Variants in CYLD observed in about 807,000 individuals in gnomAD.
The protein encoded by CYLD is CYLD lysine 63 deubiquitinase, also known as ubiquitin carboxyl-terminal hydrolase CYLD.
Under a neutral mutation model 104.5 loss-of-function variants are expected in CYLD, and 26 were observed. The ratio of observed to expected loss-of-function variants is 0.25; its 90% confidence interval spans 0.18 to 0.35. The LOEUF is 0.35. Among genes scored for constraint, CYLD ranks in the 10% least tolerant of loss-of-function variants. The pLI is 1.00. For synonymous variants in CYLD, 385 were observed against 399.9 expected (o/e 0.96, Z 0.45); for missense variants, 703 against 1,136.1 (o/e 0.62, Z 5.48).
Position 50,777,845 on chromosome 16 carries a change from A to G in CYLD, c.1042A>G (p.Asn348Asp). 6.2e-7 allele frequency: 1 copy of G among 1,600,182 alleles called. No homozygotes were observed. The highest frequency in any genetic ancestry group is 8.6e-7 in the Non-Finnish European group (1 of 1,167,950). ...TATAGGATCTACCTCAGACCCTGGA[A>G]ATAGAAACAGATCTGAATTATTTTA... ...KATGSTSDPG[N>D]RNRSELFYTL... Residue 348 changes from asparagine (N) to aspartate (D), a missense_variant, in exon 8 of 19, where the codon AAT becomes GAT. By Grantham distance (23) the Asn-to-Asp change is conservative. Coordinates refer to ENST00000427738, the MANE Select transcript of CYLD (RefSeq NM_001378743.1).
intron 5 of CYLD, among the ~76,000 whole-genome samples, chr16:50,764,100 C>T (rs746325786): frequency 4.8e-4 from 73 of 152,126 alleles, no homozygotes; most frequent in Non-Finnish European, 9.0e-4. Flanking sequence ...GTCCAGTTTG[C>T]TAGTATTTGC....
intron 5 of CYLD, among the ~76,000 whole-genome samples, chr16:50,757,508 A>G (rs1309183918): frequency 2.0e-5 from 3 of 151,800 alleles, no homozygotes; most frequent in Admixed American, 6.6e-5. Flanking sequence ...TGTGCTTGAT[A>G]TTTTACTTGG....
Position 50,777,762 on chromosome 16 carries a change from TA to T in CYLD, c.1022-54del, listed in dbSNP as rs572862017. On this transcript the variant is annotated intron_variant, in intron 7 of 18. Coordinates refer to ENST00000427738, the MANE Select transcript of CYLD (RefSeq NM_001378743.1). ...TCATATTCATAATAATTTCTCTTAC[TA>T]AAAAAAAACTTTGATGCTATATTGA... 3.7e-4 allele frequency: 310 copies of T among 834,106 alleles called. 3 individuals carry two copies. The highest frequency in any genetic ancestry group is 1.2e-3 in the African/African-American group (72 of 59,022). The allele number at this position is 834,106 out of a possible 1,614,324, so 51.7% of individuals were successfully genotyped here.
At chr16:50,795,658 C>A in intron 18 of CYLD, 1 of 701,750 alleles carries the variant, frequency 1.4e-6, no homozygotes, top group East Asian at 2.7e-5. Context: ...ATCAAGAGTT[C>A]TCCACCTTTT....
chr16:50,796,344 A>G lies in CYLD; in HGVS notation c.2707A>G (p.Ile903Val), dbSNP rs773819238. The stretch of plus-strand genomic sequence containing the variant: ...CATAGGTGGTCAGAATGGCTTCAAC[A>G]TTCCTCAAGTCACCCCATGCCCAGA... The part of the protein sequence containing the change: ...DRDGGQNGFN[I>V]PQVTPCPEVG... Residue 903 changes from isoleucine (I) to valine (V), a missense_variant, in exon 19 of 19, where the codon ATT (isoleucine) becomes GTT (valine). This residue lies in a region of CYLD where 130 missense variants were observed against 220.2 expected (regional missense o/e 0.59). Transcript: ENST00000427738. The G allele has an allele frequency of 1.2e-6, 2 of 1,614,078 alleles. No individual in the cohort carries two copies. Among genetic ancestry groups the G allele is most frequent in the African/African-American group, 2.7e-5 (2 of 74,932 alleles).
intron 15 of CYLD, 44 bp downstream of exon 15, chr16:50,791,734 G>A: frequency 6.2e-7 from 1 of 1,602,266 alleles, no homozygotes; most frequent in Non-Finnish European, 8.5e-7. Context: ...AAGTCTGTGG[G>A]AGTCTTAAGA....
At chr16:50,751,566 T>C in intron 3 of CYLD, 38 bp from the exon 4 acceptor site, 1 of 1,601,254 alleles carries the variant, frequency 6.2e-7, no homozygotes, top group Non-Finnish European at 8.6e-7. Context: ...GGATCGTCTT[T>C]CTATATCTAT....
Position 50,798,083 on chromosome 16 carries a change from G to A in CYLD, c.*1575G>A, listed in dbSNP as rs184344245. On this transcript the variant is annotated 3_prime_UTR_variant, in exon 19 of 19. Transcript: ENST00000427738. ...CCATCTCCCTTGGGTAAAATGAAGGGTGTGGGGTAAAAGATGCATAAGGCC... is the reference window on the plus strand; with the variant it reads ...CCATCTCCCTTGGGTAAAATGAAGGATGTGGGGTAAAAGATGCATAAGGCC... The A allele has an allele frequency of 5.5e-3, 1,273 of 232,156 alleles. 3 individuals are homozygous for A. The highest frequency in any genetic ancestry group is 8.0e-3 in the Non-Finnish European group (940 of 117,326). 14.4% of individuals were successfully genotyped at this position (232,156 alleles called of 1,614,324 possible). A position where few individuals can be genotyped will look rare whatever the true frequency, so the allele number is the denominator to read the frequency against.
chr16:50,755,082 C>A (rs370070905), intron 5 of CYLD, among the ~76,000 whole-genome samples: 2 of 64,390 alleles, frequency 3.1e-5, no homozygotes, highest in Non-Finnish European at 6.0e-5. Context: ...TATACATATA[C>A]ACACATATAT....
In CYLD at chr16:50,750,000, T is replaced by G; in HGVS notation, c.302T>G (p.Leu101Trp). The G allele has an allele frequency of 1.2e-6, 2 of 1,614,160 alleles. No homozygotes were observed. The highest frequency in any genetic ancestry group is 1.7e-6 in the Non-Finnish European group (2 of 1,180,000). The change falls in exon 3 of 19, where the codon TTG becomes TGG. Residue 101 changes from leucine (L) to tryptophan (W), a missense_variant. By Grantham distance (61) the Leu-to-Trp change is moderately conservative. Transcript: ENST00000427738. Reference protein sequence around the residue: ...EINEKFTELLLAITNCEERFS... With the variant: ...EINEKFTELLWAITNCEERFS... The stretch of plus-strand genomic sequence containing the variant: ...AATGAAAAGTTCACAGAGTTACTTT[T>G]GGCAATTACCAATTGTGAGGAGAGG...
intron 5 of CYLD, among the ~76,000 whole-genome samples, chr16:50,773,231 A>G (rs1969334723): frequency 6.6e-6 from 1 of 152,128 alleles, no homozygotes; most frequent in South Asian, 2.1e-4. Context: ...TTGAACAATA[A>G]CTTGTTCACT....
chr16:50,746,313 C>T (rs994060071), intron 2 of CYLD, among the ~76,000 whole-genome samples: 2 of 152,240 alleles, frequency 1.3e-5, no homozygotes, highest in African/African-American at 4.8e-5. Flanking sequence ...GTTGGGATTA[C>T]AGGCGTGAGT....
chr16:50,751,684 G>T lies in CYLD; in HGVS notation c.585G>T (p.Val195=). ...TTCAGTGTGATGAAGATTGTGGCGT[G>T]TTTGTTGCATTGGACAAGCTAGAAC... ...QLFQCDEDCG[V]FVALDKLELI... The change falls in exon 4 of 19, where the codon GTG becomes GTT. Residue 195 remains valine, a synonymous_variant. Transcript: ENST00000427738. The T allele has an allele frequency of 1.2e-6, 2 of 1,613,800 alleles. No homozygotes were observed. The highest frequency in any genetic ancestry group is 2.2e-5 in the South Asian group (2 of 91,068).
chr16:50,762,735 A>G (rs929482087), intron 5 of CYLD, among the ~76,000 whole-genome samples: 1 of 152,184 alleles, frequency 6.6e-6, no homozygotes, highest in African/African-American at 2.4e-5. Context: ...GTATCCTTTC[A>G]TTTATTTAAT....
intron 5 of CYLD, among the ~76,000 whole-genome samples, chr16:50,774,842 G>A (rs1969506795): frequency 6.6e-6 from 1 of 152,088 alleles, no homozygotes; most frequent in African/African-American, 2.4e-5. Context: ...GGATAAGTGG[G>A]GACCACAGTA....
At chr16:50,776,542 T>A (rs1430767010) in intron 7 of CYLD, among the ~76,000 whole-genome samples, 1 of 152,200 alleles carries the variant, frequency 6.6e-6, no homozygotes, top group Admixed American at 6.5e-5. Flanking sequence ...AACTCCTTAC[T>A]TGGAATATTT....
Position 50,791,973 on chromosome 16 carries a change from C to T in CYLD, c.2241+283C>T, listed in dbSNP as rs558472576. ...GTAGTTTAAAGCAAAAGGAGACTTA[C>T]GTTTTTTAAAATGCCATTTTATGCA... On this transcript the variant is annotated intron_variant, in intron 15 of 18. Coordinates refer to ENST00000427738, the MANE Select transcript of CYLD (RefSeq NM_001378743.1). Among the ~76,000 whole-genome samples, 21 of 152,242 alleles carry T rather than the reference C, an allele frequency of 1.4e-4. 1 individual carries two copies. The South Asian group carries it at 3.3e-3, about 24-fold the overall frequency.
intron 8 of CYLD, 100 bp from the exon 9 acceptor site, chr16:50,779,565 C>A (rs2150990141): frequency 1.8e-6 from 2 of 1,131,664 alleles, no homozygotes; most frequent in Non-Finnish European, 2.6e-6. Context: ...GCAGGGAGGT[C>A]AGGTGGGCAG....
chr16:50,775,823 C>CCTG (rs1387607576), intron 6 of CYLD, among the ~76,000 whole-genome samples: 4 of 152,068 alleles, frequency 2.6e-5, no homozygotes, highest in African/African-American at 9.7e-5. Context: ...GTGTTCTAAG[C>CCTG]CTGCTGATTT....
Sources: gnomAD v4.1 joint callset for allele counts (sites outside exome capture counted in the v4.1 genomes callset) on GRCh38, gnomAD v4.1.1 for gene constraint, gnomAD v4.1.1 regional missense constraint, MANE v1.5 for transcripts, NCBI Gene and HGNC (gene_info 2026-07-23, HGNC 2026-07-21) for gene names.